The following SLC46A3 variants were observed in gnomAD, a reference collection of about 807,000 sequenced individuals.
SLC46A3 encodes the protein lysosomal proton-coupled steroid conjugate and bile acid symporter SLC46A3.
Under a neutral mutation model 38.5 loss-of-function variants are expected in SLC46A3, and 26 were observed. The observed-to-expected ratio is 0.68, with a 90% CI of 0.49 to 0.94. The LOEUF is 0.94. Among genes scored for constraint, SLC46A3 ranks in the 40% least tolerant of loss-of-function variants. The pLI, the probability that SLC46A3 is intolerant of heterozygous loss-of-function variation, is 0.00. For missense variants in SLC46A3, 510 were observed against 544.3 expected (o/e 0.94, Z 0.63); for synonymous variants, 185 against 192.5 (o/e 0.96, Z 0.32).
At position 28,712,850 on chromosome 13, in the gene SLC46A3, AT is replaced by A; in HGVS notation, c.889del (p.Ile297Ter). ...ACTACCCAAAGCTGATCCATAACCT[AT>A]AAAAACTTCATTCCAGCAGAGTGGT... ...DSPLCWNEVF[I>X]GYGSALGSAS... On this transcript the variant is annotated frameshift_variant, in exon 3 of 6. Transcript: ENST00000266943. LOFTEE classifies it high-confidence loss of function. 1.9e-6 allele frequency: 3 copies of A among 1,611,532 alleles called. No individual in the cohort carries two copies. Among genetic ancestry groups the A allele is most frequent in the South Asian group, 1.1e-5 (1 of 90,266 alleles).
intron 2 of SLC46A3, among the ~76,000 whole-genome samples, chr13:28,716,991 G>GGA (rs1555260673): frequency 2.7e-5 from 4 of 146,936 alleles, no homozygotes; most frequent in Non-Finnish European, 1.5e-5. Flanking sequence ...GGCATTGTAG[G>GGA]AAAAAAAAAA....
At position 28,700,696 on chromosome 13, in the gene SLC46A3, A is replaced by G; in HGVS notation, c.*801T>C. The G allele has an allele frequency of 2.5e-6, 1 of 407,216 alleles. No individual in the cohort carries two copies. The highest frequency in any genetic ancestry group is 4.4e-6 in the Non-Finnish European group (1 of 225,964). 25.2% of individuals were successfully genotyped at this position (407,216 alleles called of 1,614,324 possible). A position where few individuals can be genotyped will look rare whatever the true frequency, so the allele number is the denominator to read the frequency against. On this transcript the variant is annotated 3_prime_UTR_variant, in exon 6 of 6. Coordinates refer to ENST00000266943, the MANE Select transcript of SLC46A3 (RefSeq NM_181785.4). ...CAAACATTAGTTACTTTATACCAGT[A>G]TTAGCTGTTCATTCAGTTTTTTAAC...
In SLC46A3 at chr13:28,701,330, A is replaced by G. The variant is rs966081618; in HGVS notation, c.*167T>C. The G allele has an allele frequency of 3.6e-5, 52 of 1,430,726 alleles. No individual in the cohort carries two copies. The highest frequency in any genetic ancestry group is 4.6e-5 in the Non-Finnish European group (50 of 1,094,282). 88.6% of individuals were successfully genotyped at this position (1,430,726 alleles called of 1,614,324 possible). On this transcript the variant is annotated 3_prime_UTR_variant, in exon 6 of 6. Transcript: ENST00000266943. ...AAGTGCTCAAAGTGCGTGGTACCAC[A>G]AGAAGCTAAAGCCAGGAGCTGTCTC...
In SLC46A3 at chr13:28,703,943, C is replaced by A. The variant is rs1345542998; in HGVS notation, c.1301G>T (p.Cys434Phe). ...GLLLLPAISL[C>F]VVKCTSWNEG... ...AAAATGATTAAAAATAATGACATACCATAGACTGATGGCTGGAAGTAGTAA... is the reference window on the plus strand; with the variant it reads ...AAAATGATTAAAAATAATGACATACAATAGACTGATGGCTGGAAGTAGTAA... The change falls in exon 5 of 6, where the codon TGT becomes TTT. Residue 434 changes from cysteine to phenylalanine, a missense_variant and splice_region_variant. Cys to Phe is a radical substitution (Grantham distance 205). Transcript: ENST00000266943. 6.2e-7 allele frequency: 1 copy of A among 1,612,758 alleles called. No homozygotes were observed. The highest frequency in any genetic ancestry group is 1.7e-5 in the Admixed American group (1 of 59,938).
rs1426241625 is a variant in SLC46A3, at chr13:28,713,279, T to G, written c.461A>C (p.Tyr154Ser). ...GTGTTCTTTACACTGATCAACTATA[T>G]AGGCAAAGCAAGCTCCCCAAAATGT... is the stretch of plus-strand genomic sequence containing the variant. ...YTTFWGACFA[Y>S]IVDQCKEHKQ... The change falls in exon 3 of 6, where the codon TAT (tyrosine) becomes TCT (serine). Residue 154 changes from tyrosine (Y) to serine (S), a missense_variant. Physicochemically the swap from Tyr to Ser is moderately radical, Grantham distance 144 (BLOSUM62 -2). Transcript: ENST00000266943. The G allele has an allele frequency of 6.2e-7, 1 of 1,613,928 alleles. No individual in the cohort carries two copies. The highest frequency in any genetic ancestry group is 1.7e-5 in the Admixed American group (1 of 60,010).
At chr13:28,718,123 A>C in intron 1 of SLC46A3, 101 bp from the exon 2 acceptor site, 1 of 892,930 alleles carries the variant, frequency 1.1e-6, no homozygotes, top group Non-Finnish European at 1.7e-6. Context: ...AAATGTTTAA[A>C]CAAGCAAACT....
In SLC46A3 at chr13:28,713,331, T is replaced by G. The variant is rs1400840771; in HGVS notation, c.409A>C (p.Ile137Leu). 2 of 1,613,774 alleles carry G rather than the reference T, an allele frequency of 1.2e-6. No individual in the cohort carries two copies. Among genetic ancestry groups the G allele is most frequent in the Non-Finnish European group, 1.7e-6 (2 of 1,179,952 alleles). The change falls in exon 3 of 6, where the codon ATT becomes CTT. Residue 137 changes from isoleucine to leucine, a missense_variant. By Grantham distance (5) the Ile-to-Leu change is conservative. Coordinates refer to ENST00000266943, the MANE Select transcript of SLC46A3 (RefSeq NM_181785.4). ...GTATAATTGCCACAAAATGCACCAATGAAGGTAGATGCAATCAAAAGCTGG... is the reference window on the plus strand; with the variant it reads ...GTATAATTGCCACAAAATGCACCAAGGAAGGTAGATGCAATCAAAAGCTGG... Reference protein sequence around the residue: ...PFQLLIASTFIGAFCGNYTTF... With the variant: ...PFQLLIASTFLGAFCGNYTTF...
rs1424620191 is a variant in SLC46A3, at chr13:28,700,951, C to T, written c.*546G>A. On this transcript the variant is annotated 3_prime_UTR_variant, in exon 6 of 6. Coordinates refer to ENST00000266943, the MANE Select transcript of SLC46A3 (RefSeq NM_181785.4). ...GCTCCGACTATCAATAGCAGCTTAACAGGCTCTATAAAATAAAGCATTACC... is the reference window on the plus strand; with the variant it reads ...GCTCCGACTATCAATAGCAGCTTAATAGGCTCTATAAAATAAAGCATTACC... The T allele has an allele frequency of 6.6e-7, 1 of 1,520,274 alleles. No individual in the cohort carries two copies. The highest frequency in any genetic ancestry group is 1.2e-5 in the South Asian group (1 of 83,096). 94.2% of individuals were successfully genotyped at this position (1,520,274 alleles called of 1,614,324 possible). A position where few individuals can be genotyped will look rare whatever the true frequency, so the allele number is the denominator to read the frequency against.
intron 2 of SLC46A3, 101 bp downstream of exon 2, chr13:28,717,709 C>T (rs1252820722): frequency 6.5e-6 from 8 of 1,224,534 alleles, no homozygotes; most frequent in Admixed American, 2.2e-5. Flanking sequence ...TGATGGCCGC[C>T]CTAGAGAGAC....
Position 28,710,780 on chromosome 13 carries a change from A to G in SLC46A3, c.1124T>C (p.Val375Ala), listed in dbSNP as rs1407238701. 3 of 1,613,896 alleles carry G rather than the reference A, an allele frequency of 1.9e-6. No individual in the cohort carries two copies. Among genetic ancestry groups the G allele is most frequent in the Admixed American group, 3.3e-5 (2 of 59,978 alleles). ...CTCACCTTGTTCAGTCGAACGAACCACTTTTGACAACATGGACCGTAGAAC... is the reference window on the plus strand; with the variant it reads ...CTCACCTTGTTCAGTCGAACGAACCGCTTTTGACAACATGGACCGTAGAAC... ...FSVLRSMLSK[V>A]VRSTEQGTLF... Residue 375 changes from valine to alanine, a missense_variant, in exon 4 of 6, where the codon GTG (valine) becomes GCG (alanine). Physicochemically the swap from Val to Ala is moderately conservative, Grantham distance 64 (BLOSUM62 0). Transcript: ENST00000266943.
At chr13:28,713,685 T>TA (rs1469255701) in intron 2 of SLC46A3, 135 bp from the exon 3 acceptor site, 1 of 726,200 alleles carries the variant, frequency 1.4e-6, no homozygotes, top group Non-Finnish European at 2.2e-6. Context: ...TGGGCGGGAC[T>TA]AATAGAGCTT....
At chr13:28,707,293 C>T (rs1028171132) in intron 4 of SLC46A3, among the ~76,000 whole-genome samples, 1 of 151,206 alleles carries the variant, frequency 6.6e-6, no homozygotes, top group Admixed American at 6.6e-5. Flanking sequence ...AGCAAACCAT[C>T]GCAAGAGCAA....
At chr13:28,718,108 G>A in intron 1 of SLC46A3, 86 bp from the exon 2 acceptor site, 9 of 1,101,322 alleles carry the variant, frequency 8.2e-6, no homozygotes, top group Non-Finnish European at 1.2e-5. Context: ...GCAATTTTGT[G>A]GAGTAAATGT....
chr13:28,708,780 C>T (rs1219556856), intron 4 of SLC46A3, among the ~76,000 whole-genome samples: 1 of 151,832 alleles, frequency 6.6e-6, no homozygotes, highest in African/African-American at 2.4e-5. Context: ...TGATGTTGTC[C>T]TTTGAAACAT....
In SLC46A3 at chr13:28,717,484, A is replaced by AATT. The variant is rs1322198755; in HGVS notation, c.189+325_189+326insAAT. ...CAGCCTGCCCTGCCCCAATTTTCAG[A>AATT]CTTTTTTTTTTTTTTTTTTTTTTTT... On this transcript the variant is annotated intron_variant, in intron 2 of 5. Transcript: ENST00000266943. 6.8e-3 allele frequency among the ~76,000 whole-genome samples: 643 copies of AATT among 94,094 alleles called. 69 individuals carry two copies. Among genetic ancestry groups the AATT allele is most frequent in the African/African-American group, 9.2e-3 (256 of 27,682 alleles). 61.7% of individuals were successfully genotyped at this position (94,094 alleles called of 152,430 possible).
intron 4 of SLC46A3, among the ~76,000 whole-genome samples, chr13:28,710,137 A>G (rs976969647): frequency 3.3e-5 from 5 of 152,248 alleles, no homozygotes; most frequent in Admixed American, 2.0e-4. Context: ...ACGTAGGAAC[A>G]GGGTAGCCCA....
At position 28,703,930 on chromosome 13, in the gene SLC46A3, A is replaced by AC. The variant is rs397762185; in HGVS notation, c.1301+12_1301+13insG. The AC allele has an allele frequency of 6.2e-7, 1 of 1,608,552 alleles. No individual in the cohort carries two copies. Among genetic ancestry groups the AC allele is most frequent in the Admixed American group, 1.7e-5 (1 of 59,158 alleles). On this transcript the variant is annotated intron_variant, in intron 5 of 5. Coordinates refer to ENST00000266943, the MANE Select transcript of SLC46A3 (RefSeq NM_181785.4). ...TATACCCTCTGATAAAATGATTAAA[A>AC]ATAATGACATACCATAGACTGATGG... is the stretch of plus-strand genomic sequence containing the variant.
At chr13:28,708,514 T>C (rs1361268044) in intron 4 of SLC46A3, among the ~76,000 whole-genome samples, 2 of 152,246 alleles carry the variant, frequency 1.3e-5, no homozygotes, top group African/African-American at 4.8e-5. Flanking sequence ...TTCTTAAATA[T>C]GCTGGATACG....
chr13:28,705,963 G>C (rs1483457752), intron 4 of SLC46A3, among the ~76,000 whole-genome samples: 1 of 152,200 alleles, frequency 6.6e-6, no homozygotes, highest in Non-Finnish European at 1.5e-5. Flanking sequence ...ATACTATTAT[G>C]AAGTAGCTTT....
Sources: gnomAD v4.1 joint callset for allele counts (sites outside exome capture counted in the v4.1 genomes callset) on GRCh38, gnomAD v4.1.1 for gene constraint, MANE v1.5 for transcripts, NCBI Gene and HGNC (gene_info 2026-07-23, HGNC 2026-07-21) for gene names.